The following SLC25A21 variants were observed in gnomAD, a reference collection of about 807,000 sequenced individuals.
The protein encoded by SLC25A21 is solute carrier family 25 member 21, also known as mitochondrial 2-oxodicarboxylate carrier.
Under a neutral mutation model 43.8 loss-of-function variants are expected in SLC25A21, and 47 were observed. The ratio of observed to expected loss-of-function variants is 1.07; its 90% CI spans 0.85 to 1.37. SLC25A21 has a LOEUF of 1.37. Ranked by LOEUF, SLC25A21 falls within the 40% of genes most tolerant of loss-of-function variation. The pLI, the probability that SLC25A21 is intolerant of heterozygous loss-of-function variation, is 0.00. For synonymous variants in SLC25A21, 131 were observed against 121.3 expected (o/e 1.08, Z -0.52); for missense variants, 352 against 350.2 (o/e 1.00, Z -0.04).
At chr14:36,766,429 C>G (rs61675968) in intron 3 of SLC25A21, among the ~76,000 whole-genome samples, 192 of 152,320 alleles carry the variant, frequency 1.3e-3, no homozygotes, top group African/African-American at 4.5e-3. Context: ...GAAGTTCCTA[C>G]AGTATAATCC....
intron 1 of SLC25A21, among the ~76,000 whole-genome samples, chr14:37,111,524 C>T (rs1185375700): frequency 6.6e-6 from 1 of 151,826 alleles, no homozygotes; most frequent in Non-Finnish European, 1.5e-5. Context: ...TAGAGAACTC[C>T]GTTTATTTTA....
intron 7 of SLC25A21, among the ~76,000 whole-genome samples, chr14:36,702,475 CAAAAAA>C (rs1213350246): frequency 1.5e-5 from 1 of 66,164 alleles, no homozygotes. Context: ...CCTGTCTCCA[CAAAAAA>C]AAAAAAAAAA....
At chr14:36,790,616 A>G (rs1426371666) in intron 3 of SLC25A21, among the ~76,000 whole-genome samples, 1 of 152,166 alleles carries the variant, frequency 6.6e-6, no homozygotes, top group African/African-American at 2.4e-5. Context: ...ATGATGGATT[A>G]TTGAGAATTT....
At chr14:37,129,399 C>A (rs1963354678) in intron 1 of SLC25A21, among the ~76,000 whole-genome samples, 1 of 152,142 alleles carries the variant, frequency 6.6e-6, no homozygotes, top group African/African-American at 2.4e-5. Flanking sequence ...TGGATTAGAA[C>A]ACAGTTGTGG....
intron 3 of SLC25A21, among the ~76,000 whole-genome samples, chr14:36,768,289 T>C (rs919729732): frequency 2.0e-5 from 3 of 152,118 alleles, no homozygotes; most frequent in Non-Finnish European, 4.4e-5. Context: ...ATAATATCAG[T>C]TTCAGTGTCA....
intron 3 of SLC25A21, among the ~76,000 whole-genome samples, chr14:36,758,430 C>G (rs921482632): frequency 3.3e-5 from 5 of 151,940 alleles, no homozygotes; most frequent in African/African-American, 1.2e-4. Context: ...AGGAGAGGGG[C>G]GTAGTGTTTC....
intron 3 of SLC25A21, among the ~76,000 whole-genome samples, chr14:36,812,601 T>C (rs1016188751): frequency 3.3e-5 from 5 of 151,922 alleles, no homozygotes; most frequent in Non-Finnish European, 5.9e-5. Flanking sequence ...AGGTCTACCA[T>C]AGAGATTAAT....
rs10531936 is a variant in SLC25A21, at chr14:37,143,589, C to CGTGTGTGTGTGTGTGT, written c.70+28676_70+28691dup. 3.6e-3 allele frequency among the ~76,000 whole-genome samples: 539 copies of CGTGTGTGTGTGTGTGT among 148,644 alleles called. 5 individuals are homozygous for CGTGTGTGTGTGTGTGT. The highest frequency in any genetic ancestry group is 0.012 in the African/African-American group (481 of 40,462). On this transcript the variant is annotated intron_variant, in intron 1 of 9. Coordinates refer to ENST00000331299, the MANE Select transcript of SLC25A21 (RefSeq NM_030631.4). ...GCATTTTAATGTGTCTGTTCATTAG[C>CGTGTGTGTGTGTGTGT]GTGTGTGTGTGTGTGTGTGTGTGTG... is the stretch of plus-strand genomic sequence containing the variant.
At chr14:37,142,563 A>T (rs1963588675) in intron 1 of SLC25A21, among the ~76,000 whole-genome samples, 1 of 151,962 alleles carries the variant, frequency 6.6e-6, no homozygotes, top group African/African-American at 2.4e-5. Context: ...AGGTCTCACT[A>T]TGTTACCAGG....
At chr14:36,890,848 GACC>G (rs1891054332) in intron 1 of SLC25A21, among the ~76,000 whole-genome samples, 1 of 152,062 alleles carries the variant, frequency 6.6e-6, no homozygotes, top group Non-Finnish European at 1.5e-5. Context: ...ATCCTATAAT[GACC>G]ACAATATGTA....
chr14:37,026,637 C>T (rs565606855), intron 1 of SLC25A21, among the ~76,000 whole-genome samples: 1 of 152,054 alleles, frequency 6.6e-6, no homozygotes, highest in African/African-American at 2.4e-5. Context: ...AAAACACTTA[C>T]GAATTAAACA....
chr14:36,860,684 T>C (rs993990475), intron 2 of SLC25A21, among the ~76,000 whole-genome samples: 33 of 152,352 alleles, frequency 2.2e-4, no homozygotes, highest in African/African-American at 7.2e-4. Flanking sequence ...CAAACTTTTT[T>C]CTAACGCGTA....
chr14:37,020,913 G>A (rs77018112), intron 1 of SLC25A21, among the ~76,000 whole-genome samples: 2,137 of 152,022 alleles, frequency 0.014, 49 homozygotes, highest in African/African-American at 0.048. Flanking sequence ...ATTTAACATG[G>A]TCTTGCATTA....
intron 1 of SLC25A21, among the ~76,000 whole-genome samples, chr14:37,005,886 AAT>A (rs1308300130): frequency 1.3e-5 from 2 of 152,226 alleles, no homozygotes; most frequent in African/African-American, 4.8e-5. Context: ...CTTCATAAAA[AAT>A]AGAGCCCATT....
intron 1 of SLC25A21, among the ~76,000 whole-genome samples, chr14:37,092,131 AT>A (rs1316258119): frequency 6.6e-6 from 1 of 152,058 alleles, no homozygotes; most frequent in South Asian, 2.1e-4. Context: ...TGTCTCTCTC[AT>A]TTTTTTAAGT....
intron 1 of SLC25A21, among the ~76,000 whole-genome samples, chr14:37,056,735 C>T (rs1351388883): frequency 6.6e-6 from 1 of 152,150 alleles, no homozygotes; most frequent in Non-Finnish European, 1.5e-5. Context: ...GCAGCCAAGT[C>T]AGCACTGAAA....
intron 2 of SLC25A21, among the ~76,000 whole-genome samples, chr14:36,823,339 T>G (rs1284155780): frequency 6.6e-6 from 1 of 152,218 alleles, no homozygotes; most frequent in Non-Finnish European, 1.5e-5. Context: ...CTAGCATAAC[T>G]TTCAATTATT....
intron 5 of SLC25A21, 82 bp downstream of exon 5, chr14:36,729,425 G>T: frequency 2.8e-6 from 3 of 1,071,442 alleles, no homozygotes; most frequent in Admixed American, 3.0e-5. Context: ...AGCTGGGCTT[G>T]GAAATCAAAA....
chr14:36,931,711 C>A (rs113233600), intron 1 of SLC25A21, among the ~76,000 whole-genome samples: 2,630 of 152,144 alleles, frequency 0.017, 69 homozygotes, highest in African/African-American at 0.059. Flanking sequence ...GAATCTAATG[C>A]AGTAAAGCAG....
Sources: gnomAD v4.1 joint callset for allele counts (sites outside exome capture counted in the v4.1 genomes callset) on GRCh38, gnomAD v4.1.1 for gene constraint, MANE v1.5 for transcripts, NCBI Gene and HGNC (gene_info 2026-07-23, HGNC 2026-07-21) for gene names.